Variants in CAPN10 observed in about 807,000 individuals in gnomAD.
The protein encoded by CAPN10 is calpain-10.
A neutral mutation model predicts 78.4 loss-of-function variants in CAPN10; 71 were observed. That is an observed-to-expected ratio of 0.91 (90% CI 0.75 to 1.10). The LOEUF (loss-of-function observed/expected upper bound fraction) is 1.10, where lower values mean the gene tolerates loss of function less well. Among genes scored for constraint, CAPN10 ranks in the 50% least tolerant of loss-of-function variants. CAPN10 has a pLI of 0.00. For missense variants in CAPN10, 849 were observed against 924.6 expected (o/e 0.92, Z 1.06); for synonymous variants, 437 against 407.2 (o/e 1.07, Z -0.88).
chr2:240,598,763 A>C lies in CAPN10; in HGVS notation c.*83A>C. On this transcript the variant is annotated 3_prime_UTR_variant, in exon 12 of 12. Transcript: ENST00000391984. ...CAGCAGCTGGGCCGGCCAGCCTTGC[A>C]CTGTGGGGGCTGGTCCTGAGTCTTG... 4 of 1,314,546 alleles carry C rather than the reference A, an allele frequency of 3.0e-6. No homozygotes were observed. Among genetic ancestry groups the C allele is most frequent in the South Asian group, 2.5e-5 (2 of 79,122 alleles). The allele number at this position is 1,314,546 out of a possible 1,614,324, so 81.4% of individuals were successfully genotyped here. A position where few individuals can be genotyped will look rare whatever the true frequency, so the allele number is the denominator to read the frequency against.
chr2:240,591,739 C>T lies in CAPN10; in HGVS notation c.471-194C>T, dbSNP rs2093103133. 6.6e-6 allele frequency: 4 copies of T among 602,034 alleles called. No individual in the cohort carries two copies. The Admixed American group carries it at 1.2e-4, about 18-fold the overall frequency. The allele number at this position is 602,034 out of a possible 1,614,324, so 37.3% of individuals were successfully genotyped here. On this transcript the variant is annotated intron_variant, in intron 3 of 11. Coordinates refer to ENST00000391984, the MANE Select transcript of CAPN10 (RefSeq NM_023083.4). ...GGCAGAGGACTGCAGGGCGCTCACG[C>T]TTGCTGTGAAGTAAGGCGTTTGAAG... is the stretch of plus-strand genomic sequence containing the variant.
Position 240,598,422 on chromosome 2 carries a change from G to A in CAPN10, c.1989+25G>A, listed in dbSNP as rs759162425. 22 of 1,613,162 alleles carry A rather than the reference G, an allele frequency of 1.4e-5. No homozygotes were observed. The Middle Eastern group carries it at 8.2e-4, about 60-fold the overall frequency. ...GGTGTGTATGCAGCCCCGCCAGCCC[G>A]GCTCACCTGCCTGGGGCTGCCTGGT... On this transcript the variant is annotated intron_variant, in intron 11 of 11. Coordinates refer to ENST00000391984, the MANE Select transcript of CAPN10 (RefSeq NM_023083.4).
Position 240,596,313 on chromosome 2 carries a change from T to C in CAPN10, c.1279-6T>C, listed in dbSNP as rs750305591. On this transcript the variant is annotated splice_polypyrimidine_tract_variant and splice_region_variant and intron_variant, in intron 7 of 11. Transcript: ENST00000391984. ...TCCACACTGAGCCTCCTGCACGTGC[T>C]CACAGGTAGAGAAGCGGCGGGTCAA... is the stretch of plus-strand genomic sequence containing the variant. 1 of 1,597,440 alleles carries C rather than the reference T, an allele frequency of 6.3e-7. No homozygotes were observed. The highest frequency in any genetic ancestry group is 8.6e-7 in the Non-Finnish European group (1 of 1,167,598).
chr2:240,592,401 C>T (rs913964308), intron 4 of CAPN10: 7 of 693,856 alleles, frequency 1.0e-5, no homozygotes, highest in South Asian at 3.0e-5. Context: ...GAGGTGGCAC[C>T]GAGTCAAAGC....
At chr2:240,595,331 T>G in intron 7 of CAPN10, 27 bp downstream of exon 7, 1 of 1,606,660 alleles carries the variant, frequency 6.2e-7, no homozygotes, top group Non-Finnish European at 8.5e-7. Flanking sequence ...TGGCTCACGC[T>G]CGGTTCAGCA....
Position 240,586,867 on chromosome 2 carries a change from G to T in CAPN10, c.-45G>T. ...TGACTCGCCTTCTCTCCGGGGCTGC[G>T]ACCCCGAGGCAACCGGCTGCAGATG... On this transcript the variant is annotated 5_prime_UTR_variant, in exon 1 of 12. Coordinates refer to ENST00000391984, the MANE Select transcript of CAPN10 (RefSeq NM_023083.4). 7.5e-7 allele frequency: 1 copy of T among 1,334,418 alleles called. No homozygotes were observed. The highest frequency in any genetic ancestry group is 9.6e-7 in the Non-Finnish European group (1 of 1,046,502). The allele number at this position is 1,334,418 out of a possible 1,614,324, so 82.7% of individuals were successfully genotyped here.
chr2:240,596,318 G>A lies in CAPN10; in HGVS notation c.1279-1G>A, dbSNP rs2093136248. 2.5e-6 allele frequency: 4 copies of A among 1,600,162 alleles called. No homozygotes were observed. Among genetic ancestry groups the A allele is most frequent in the Non-Finnish European group, 3.4e-6 (4 of 1,169,594 alleles). On this transcript the variant is annotated splice_acceptor_variant, in intron 7 of 11. Transcript: ENST00000391984. LOFTEE classifies it high-confidence loss of function. ...ACTGAGCCTCCTGCACGTGCTCACA[G>A]GTAGAGAAGCGGCGGGTCAATCTGC...
At chr2:240,591,260 A>T in intron 3 of CAPN10, 1 of 507,034 alleles carries the variant, frequency 2.0e-6, no homozygotes. Flanking sequence ...CGTTCTCCAC[A>T]GAGAACATGT....
In CAPN10 at chr2:240,596,468, CG is replaced by C; in HGVS notation, c.1429del (p.Ala477ArgfsTer125). On this transcript the variant is annotated frameshift_variant, in exon 8 of 12. Transcript: ENST00000391984. LOFTEE classifies it high-confidence loss of function. ...LAVPSTFLKDAPGEFLLRVFS... is the reference protein window; with the variant it reads ...LAVPSTFLKDXPGEFLLRVFS... ...CTGTCCCCAGCACCTTCCTGAAGGA[CG>C]CGCCAGGGGAGTTCCTGCTCCGAGT... The C allele has an allele frequency of 6.2e-7, 1 of 1,613,266 alleles. No individual in the cohort carries two copies. Among genetic ancestry groups the C allele is most frequent in the Non-Finnish European group, 8.5e-7 (1 of 1,179,650 alleles).
chr2:240,590,932 C>T lies in CAPN10; in HGVS notation c.391C>T (p.Leu131Phe). The change falls in exon 3 of 12, where the codon CTT becomes TTT. Residue 131 changes from leucine (L) to phenylalanine (F), a missense_variant. Leu to Phe is a conservative substitution (Grantham distance 22, BLOSUM62 0). Transcript: ENST00000391984. ...GACCACAGATGACCGCCTGCCGTGC[C>T]TTGCAGGGAGACTCTGTTTCTCCCG... The part of the protein sequence containing the change: ...EVTTDDRLPC[L>F]AGRLCFSRCQ... The T allele has an allele frequency of 1.9e-6, 3 of 1,614,252 alleles. No individual in the cohort carries two copies. The highest frequency in any genetic ancestry group is 2.5e-6 in the Non-Finnish European group (3 of 1,180,048).
At position 240,598,823 on chromosome 2, in the gene CAPN10, TA is replaced by T. The variant is rs1205730947; in HGVS notation, c.*144del. ...CCAGCCCTGCCAGGAGGCTGCGGCC[TA>T]GGGGTCCACGGGAAGCCTCCGTCAG... On this transcript the variant is annotated 3_prime_UTR_variant, in exon 12 of 12. Coordinates refer to ENST00000391984, the MANE Select transcript of CAPN10 (RefSeq NM_023083.4). 1 of 762,974 alleles carries T rather than the reference TA, an allele frequency of 1.3e-6. No homozygotes were observed. Among genetic ancestry groups the T allele is most frequent in the East Asian group, 2.7e-5 (1 of 36,888 alleles). 47.3% of individuals were successfully genotyped at this position (762,974 alleles called of 1,614,324 possible). A position where few individuals can be genotyped will look rare whatever the true frequency, so the allele number is the denominator to read the frequency against.
At chr2:240,597,741 G>C in intron 9 of CAPN10, 147 bp from the exon 10 acceptor site, 1 of 739,590 alleles carries the variant, frequency 1.4e-6, no homozygotes, top group Non-Finnish European at 2.1e-6. Flanking sequence ...GTGAGGAGGC[G>C]AGTCCAGTGT....
chr2:240,594,976 C>A, intron 6 of CAPN10, 48 bp from the exon 7 acceptor site: 3 of 1,596,254 alleles, frequency 1.9e-6, no homozygotes, highest in Non-Finnish European at 2.6e-6. Context: ...GGCGGGAGGC[C>A]AGCGAGGAGC....
Position 240,587,001 on chromosome 2 carries a change from G to C in CAPN10, c.90G>C (p.Leu30Phe). 4 of 1,485,398 alleles carry C rather than the reference G, an allele frequency of 2.7e-6. No individual in the cohort carries two copies. The highest frequency in any genetic ancestry group is 3.6e-6 in the Non-Finnish European group (4 of 1,116,778). The allele number at this position is 1,485,398 out of a possible 1,614,324, so 92.0% of individuals were successfully genotyped here. A position where few individuals can be genotyped will look rare whatever the true frequency, so the allele number is the denominator to read the frequency against. The change falls in exon 1 of 12, where the codon TTG (leucine) becomes TTC (phenylalanine). Residue 30 changes from leucine to phenylalanine, a missense_variant. Leu to Phe is a conservative substitution (Grantham distance 22). Transcript: ENST00000391984. The stretch of plus-strand genomic sequence containing the variant: ...CGGACTCCTCGCTCTTCTGCGACTT[G>C]TCTACGCCGCTGGCCCAGTTCCGCG... Reference protein sequence around the residue: ...PAADSSLFCDLSTPLAQFRED... With the variant: ...PAADSSLFCDFSTPLAQFRED...
At chr2:240,595,332 C>A in intron 7 of CAPN10, 28 bp downstream of exon 7, 3 of 1,605,938 alleles carry the variant, frequency 1.9e-6, no homozygotes, top group Non-Finnish European at 2.5e-6. Context: ...GGCTCACGCT[C>A]GGTTCAGCAG....
In CAPN10 at chr2:240,586,853, C is replaced by T. The variant is rs2093071011; in HGVS notation, c.-59C>T. The stretch of plus-strand genomic sequence containing the variant: ...GAGGCGGCGGCGGCTGACTCGCCTT[C>T]TCTCCGGGGCTGCGACCCCGAGGCA... On this transcript the variant is annotated 5_prime_UTR_variant, in exon 1 of 12. Transcript: ENST00000391984. 2 of 1,300,944 alleles carry T rather than the reference C, an allele frequency of 1.5e-6. No homozygotes were observed. Among genetic ancestry groups the T allele is most frequent in the Admixed American group, 8.4e-5 (2 of 23,782 alleles). The allele number at this position is 1,300,944 out of a possible 1,614,324, so 80.6% of individuals were successfully genotyped here.
chr2:240,594,240 C>G, intron 5 of CAPN10, 193 bp downstream of exon 5: 1 of 640,190 alleles, frequency 1.6e-6, no homozygotes, highest in Non-Finnish European at 2.5e-6. Flanking sequence ...CCAAGGTGGC[C>G]ATTGGGCCTG....
intron 9 of CAPN10, among the ~76,000 whole-genome samples, 192 bp downstream of exon 9, chr2:240,597,134 GC>G (rs1398200036): frequency 3.9e-5 from 6 of 152,280 alleles, no homozygotes; most frequent in African/African-American, 1.4e-4. Flanking sequence ...GCCGAAGATG[GC>G]CTCTGGAAGG....
rs558685455 is a variant in CAPN10, at chr2:240,595,487, G to C, written c.1278+183G>C. The C allele has an allele frequency of 1.2e-3, 796 of 644,448 alleles. 24 individuals carry two copies. In the South Asian group the frequency reaches 0.015, roughly 12 times the overall value. 39.9% of individuals were successfully genotyped at this position (644,448 alleles called of 1,614,324 possible). A position where few individuals can be genotyped will look rare whatever the true frequency, so the allele number is the denominator to read the frequency against. ...TGCTGGTGCTCCCAGACCCGGCTCT[G>C]ACCTGAGACTGCAGGTCTTTCTGCC... On this transcript the variant is annotated intron_variant, in intron 7 of 11. Transcript: ENST00000391984.
Sources: allele counts gnomAD v4.1 joint callset (sites outside exome capture counted in the v4.1 genomes callset), GRCh38; gene constraint gnomAD v4.1.1; transcripts MANE v1.5; gene names NCBI Gene and HGNC (gene_info 2026-07-23, HGNC 2026-07-21).